The following LMBR1L variants were observed in gnomAD, a reference collection of about 807,000 sequenced individuals.
LMBR1L encodes the protein limb development membrane protein 1 like.
Under a neutral mutation model 67.3 loss-of-function variants are expected in LMBR1L, and 47 were observed. That is an observed-to-expected ratio of 0.70 (90% CI 0.55 to 0.89). The LOEUF is 0.89. Among genes scored for constraint, LMBR1L ranks in the 40% least tolerant of loss-of-function variants. The pLI, the probability that LMBR1L is intolerant of heterozygous loss-of-function variation, is 0.00. For missense variants in LMBR1L, 533 were observed against 599.2 expected, an observed-to-expected ratio of 0.89 and a Z score of 1.15; for synonymous variants, 247 against 250.3, an observed-to-expected ratio of 0.99 and a Z score of 0.13.
intron 1 of LMBR1L, among the ~76,000 whole-genome samples, chr12:49,109,392 G>A: frequency 6.6e-6 from 1 of 152,004 alleles, no homozygotes; most frequent in South Asian, 2.1e-4. Context: ...ACTTCTACTG[G>A]AGTTGCACAC....
Position 49,110,800 on chromosome 12 carries a change from G to C in LMBR1L, c.-245C>G. 1 of 526,930 alleles carries C rather than the reference G, an allele frequency of 1.9e-6. No individual in the cohort carries two copies. The highest frequency in any genetic ancestry group is 3.4e-6 in the Non-Finnish European group (1 of 292,952). 32.6% of individuals were successfully genotyped at this position (526,930 alleles called of 1,614,324 possible). A position where few individuals can be genotyped will look rare whatever the true frequency, so the allele number is the denominator to read the frequency against. ...CCTTTGCTCCCCACTCTTTAAGGTC[G>C]GGTCGCGCTCACGTTTCAATGCAAA... On this transcript the variant is annotated 5_prime_UTR_variant, in exon 1 of 17. Transcript: ENST00000267102.
At chr12:49,110,129 G>A (rs1215501055) in intron 1 of LMBR1L, 1 of 507,682 alleles carries the variant, frequency 2.0e-6, no homozygotes, top group Admixed American at 2.3e-5. Flanking sequence ...AACCCAGTTT[G>A]AGAAGCAAAC....
chr12:49,097,829 G>C, intron 16 of LMBR1L, 90 bp from the exon 17 acceptor site: 1 of 1,596,832 alleles, frequency 6.3e-7, no homozygotes, highest in Admixed American at 1.7e-5. Context: ...TGTGGATGAG[G>C]TACGTTACCC....
At chr12:49,109,714 T>A (rs1400565610) in intron 1 of LMBR1L, 2 of 456,484 alleles carry the variant, frequency 4.4e-6, no homozygotes, top group Non-Finnish European at 8.8e-6. Flanking sequence ...TAAGCTCCAC[T>A]GGGTACCCCT....
At chr12:49,105,022 C>G (rs1487954769) in intron 3 of LMBR1L, 137 bp from the exon 4 acceptor site, 10 of 988,608 alleles carry the variant, frequency 1.0e-5, no homozygotes. Flanking sequence ...AAGGAGCTGT[C>G]CAGCTGGGGT....
At chr12:49,107,218 TCAGGGCCC>T (rs1269867174) in intron 1 of LMBR1L, among the ~76,000 whole-genome samples, 173 bp from the exon 2 acceptor site, 1 of 152,116 alleles carries the variant, frequency 6.6e-6, no homozygotes, top group African/African-American at 2.4e-5. Context: ...TTCCTTCTAG[TCAGGGCCC>T]CAGGGGCCTC....
chr12:49,097,851 A>C, intron 16 of LMBR1L, 93 bp downstream of exon 16: 1 of 1,590,992 alleles, frequency 6.3e-7, no homozygotes, highest in Non-Finnish European at 8.6e-7. Context: ...CAAAGCAGGA[A>C]GCACACCCTC....
At chr12:49,108,547 G>A (rs1399711320) in intron 1 of LMBR1L, among the ~76,000 whole-genome samples, 3 of 123,972 alleles carry the variant, frequency 2.4e-5, no homozygotes, top group Non-Finnish European at 3.2e-5. Context: ...TGGCAACAGA[G>A]CAAGACTGAG....
At chr12:49,105,232 T>C (rs1012584948) in intron 3 of LMBR1L, 3 of 277,798 alleles carry the variant, frequency 1.1e-5, no homozygotes, top group Non-Finnish European at 2.1e-5. Flanking sequence ...CTGGCTTCTC[T>C]TCTTTGGTCA....
intron 5 of LMBR1L, 45 bp from the exon 6 acceptor site, chr12:49,103,858 T>G (rs759465055): frequency 5.1e-6 from 8 of 1,567,276 alleles, no homozygotes; most frequent in Non-Finnish European, 6.9e-6. Context: ...ATCAGGGCAG[T>G]GTGGGAACAT....
In LMBR1L at chr12:49,103,193, C is replaced by T. The variant is rs767382437; in HGVS notation, c.563-34G>A. On this transcript the variant is annotated intron_variant, in intron 6 of 16. Transcript: ENST00000267102. ...AAAAAAAAGAGGCATGTCAGCTCAT[C>T]TCTCCTTACTTACTGTCCCCAGGCT... The T allele has an allele frequency of 3.2e-6, 5 of 1,574,142 alleles. No individual in the cohort carries two copies. In the East Asian group the frequency reaches 9.0e-5, roughly 28 times the overall value.
intron 7 of LMBR1L, 35 bp downstream of exon 7, chr12:49,103,056 C>A: frequency 6.2e-7 from 1 of 1,610,916 alleles, no homozygotes. Flanking sequence ...GGTCCAAGGA[C>A]CCTGCCCATT....
chr12:49,102,026 G>C lies in LMBR1L; in HGVS notation c.930+94C>G, dbSNP rs1166703408. 2.8e-6 allele frequency: 3 copies of C among 1,076,690 alleles called. No individual in the cohort carries two copies. In the African/African-American group the frequency reaches 4.7e-5, roughly 17 times the overall value. 66.7% of individuals were successfully genotyped at this position (1,076,690 alleles called of 1,614,324 possible). A position where few individuals can be genotyped will look rare whatever the true frequency, so the allele number is the denominator to read the frequency against. On this transcript the variant is annotated intron_variant, in intron 11 of 16. Transcript: ENST00000267102. ...TCAGTGAGAAGCAACCACTATTACTGATGATAACCAGGTCCCTGCATTGCC... is the reference window on the plus strand; with the variant it reads ...TCAGTGAGAAGCAACCACTATTACTCATGATAACCAGGTCCCTGCATTGCC...
Position 49,100,455 on chromosome 12 carries a change from C to A in LMBR1L, c.1174-1G>T, listed in dbSNP as rs777506496. The A allele has an allele frequency of 1.2e-6, 2 of 1,613,852 alleles. No individual in the cohort carries two copies. The highest frequency in any genetic ancestry group is 1.7e-6 in the Non-Finnish European group (2 of 1,179,708). ...GGAGACAGACACAGTTCCCAATTAT[C>A]TGGGTGGAAGCAGGGAAAGGAGAGG... On this transcript the variant is annotated splice_acceptor_variant, in intron 14 of 16. Coordinates refer to ENST00000267102, the MANE Select transcript of LMBR1L (RefSeq NM_018113.4). LOFTEE classifies it high-confidence loss of function.
At chr12:49,103,841 G>C in intron 5 of LMBR1L, 28 bp from the exon 6 acceptor site, 1 of 1,596,818 alleles carries the variant, frequency 6.3e-7, no homozygotes. Flanking sequence ...CAGTGAAGAA[G>C]GTTAACATCA....
At chr12:49,101,921 C>T (rs528535238) in intron 11 of LMBR1L, 199 bp downstream of exon 11, 2 of 599,176 alleles carry the variant, frequency 3.3e-6, no homozygotes, top group Admixed American at 3.0e-5. Context: ...AGTCACTCAA[C>T]TCTGTCTCTT....
intron 5 of LMBR1L, 120 bp downstream of exon 5, chr12:49,104,328 A>T: frequency 1.3e-6 from 1 of 773,760 alleles, no homozygotes. Context: ...TCCTACTGTC[A>T]CTAGAGCCTC....
chr12:49,103,067 C>T lies in LMBR1L; in HGVS notation c.631+24G>A, dbSNP rs1429925132. ...CTCTGGTCCAAGGACCCTGCCCATT[C>T]CCTCCCAGACCCTGTACACTCACCC... On this transcript the variant is annotated intron_variant, in intron 7 of 16. Coordinates refer to ENST00000267102, the MANE Select transcript of LMBR1L (RefSeq NM_018113.4). The T allele has an allele frequency of 2.5e-6, 4 of 1,612,608 alleles. No homozygotes were observed. The Admixed American group carries it at 6.7e-5, about 27-fold the overall frequency.
Position 49,097,712 on chromosome 12 carries a change from G to A in LMBR1L, c.1430C>T (p.Ser477Phe). 3.7e-6 allele frequency: 6 copies of A among 1,613,976 alleles called. No individual in the cohort carries two copies. The highest frequency in any genetic ancestry group is 3.4e-6 in the Non-Finnish European group (4 of 1,180,016). ...CTTCCTAGATGCCTGGGGGAAACCG[G>A]AGACGGGCAGCGGCAGTCTGTCCAG... is the stretch of plus-strand genomic sequence containing the variant. ...FGLDRLPLPVSGFPQASRKTQ... is the reference protein window; with the variant it reads ...FGLDRLPLPVFGFPQASRKTQ... Residue 477 changes from serine (S) to phenylalanine (F), a missense_variant, in exon 17 of 17, where the codon TCC becomes TTC. Transcript: ENST00000267102.
Sources: gnomAD v4.1 joint callset for allele counts (sites outside exome capture counted in the v4.1 genomes callset) on GRCh38, gnomAD v4.1.1 for gene constraint, MANE v1.5 for transcripts, NCBI Gene and HGNC (gene_info 2026-07-23, HGNC 2026-07-21) for gene names.